TNS1: variants seen among roughly 807,000 people sequenced by gnomAD.
TNS1 encodes the protein tensin 1, also known as tensin-1.
A neutral mutation model predicts 168.6 loss-of-function variants in TNS1; 62 were observed. The observed-to-expected ratio is 0.37, with a 90% confidence interval of 0.30 to 0.45. The LOEUF (loss-of-function observed/expected upper bound fraction) is 0.45, where lower values mean the gene tolerates loss of function less well. TNS1 is among the 20% of genes least tolerant of loss of function. TNS1 has a pLI of 1.00. For missense variants in TNS1, 2,240 were observed against 2,339.4 expected (o/e 0.96, Z 0.88); for synonymous variants, 934 against 933.2 (o/e 1.00, Z -0.02).
rs552749103 is a variant in TNS1 at position 217,804,519 on chromosome 2, C to T, written c.5460G>A (p.Pro1820=). The stretch of plus-strand genomic sequence containing the variant: ...AGACGAAGTTGACGATGGCAGAGGC[C>T]GGCTGGTTGGGGTCAAGCTCAGCAA... ...HLFAELDPNQ[P]ASAIVNFVSK... is the part of the protein sequence containing the mutation. Residue 1820 remains proline, a synonymous_variant, in exon 33 of 33, where the codon CCG becomes CCA. Transcript: ENST00000682258. 5 of 1,614,122 alleles carry T rather than the reference C, an allele frequency of 3.1e-6. No individual in the cohort carries two copies. The highest frequency in any genetic ancestry group is 1.3e-5 in the African/African-American group (1 of 75,020).
chr2:217,903,328 A>G (rs1002369011), intron 6 of TNS1, among the ~76,000 whole-genome samples: 2 of 152,196 alleles, frequency 1.3e-5, no homozygotes, highest in Non-Finnish European at 2.9e-5. Flanking sequence ...TCATTTGTCC[A>G]TCTGTAAAAT....
chr2:217,870,232 G>C (rs996380645), intron 18 of TNS1, among the ~76,000 whole-genome samples: 2 of 152,210 alleles, frequency 1.3e-5, no homozygotes, highest in Non-Finnish European at 2.9e-5. Flanking sequence ...CGGGCTGCAG[G>C]GCAGAGTGGA....
intron 3 of TNS1, among the ~76,000 whole-genome samples, chr2:217,932,912 G>A (rs961049178): frequency 3.3e-5 from 5 of 152,188 alleles, no homozygotes; most frequent in Non-Finnish European, 4.4e-5. Context: ...GCGCATCGGG[G>A]ACTGGTGTTC....
chr2:217,881,132 A>G, intron 17 of TNS1, 118 bp from the exon 18 acceptor site: 1 of 702,884 alleles, frequency 1.4e-6, no homozygotes, highest in Non-Finnish European at 2.4e-6. Context: ...TCCCTGAGGG[A>G]CTTCTCATTT....
chr2:217,852,270 G>A (rs1181504257), intron 18 of TNS1, among the ~76,000 whole-genome samples: 1 of 152,178 alleles, frequency 6.6e-6, no homozygotes, highest in Non-Finnish European at 1.5e-5. Flanking sequence ...CAAGTTGGCC[G>A]AAATCTGAAG....
At chr2:217,865,685 C>G (rs191674499) in intron 18 of TNS1, among the ~76,000 whole-genome samples, 1 of 152,188 alleles carries the variant, frequency 6.6e-6, no homozygotes. Context: ...TCTGTTGCTG[C>G]TTCCCAGGGC....
rs1367780338 is a variant in TNS1, at chr2:217,809,561, A to G, written c.5273+262T>C. On this transcript the variant is annotated intron_variant, in intron 30 of 32. Coordinates refer to ENST00000682258, the MANE Select transcript of TNS1 (RefSeq NM_001387777.1). ...GATGCATGGATGGATGGATGGATGG[A>G]TGGATGGATGGATGGATAGGTGCAT... Among the ~76,000 whole-genome samples, 18 of 48,336 alleles carry G rather than the reference A, an allele frequency of 3.7e-4. 1 individual carries two copies. The highest frequency in any genetic ancestry group is 1.2e-3 in the East Asian group (2 of 1,692). The allele number at this position is 48,336 out of a possible 152,430, so 31.7% of individuals were successfully genotyped here.
intron 3 of TNS1, among the ~76,000 whole-genome samples, chr2:217,967,163 C>CA (rs1030439249): frequency 4.0e-5 from 6 of 151,414 alleles, no homozygotes; most frequent in East Asian, 1.9e-4. Flanking sequence ...ACTAAAAATA[C>CA]AAAAAAAATT....
At chr2:217,919,060 A>G (rs960201768) in intron 4 of TNS1, among the ~76,000 whole-genome samples, 3 of 152,208 alleles carry the variant, frequency 2.0e-5, no homozygotes, top group African/African-American at 7.2e-5. Context: ...ACTTCTGTGC[A>G]CTTCATTTCA....
At chr2:217,994,919 C>G (rs1385494506) in intron 1 of TNS1, among the ~76,000 whole-genome samples, 1 of 152,228 alleles carries the variant, frequency 6.6e-6, no homozygotes. Context: ...GCCTTCTAGG[C>G]TATGTGGCAT....
chr2:217,968,495 A>T (rs1047091240), intron 3 of TNS1, among the ~76,000 whole-genome samples: 1 of 152,208 alleles, frequency 6.6e-6, no homozygotes, highest in Non-Finnish European at 1.5e-5. Flanking sequence ...ACAATGAAAG[A>T]CCTAAAAATG....
intron 25 of TNS1, 105 bp downstream of exon 25, chr2:217,814,807 C>G: frequency 1.1e-6 from 1 of 895,956 alleles, no homozygotes; most frequent in Admixed American, 2.2e-5. Flanking sequence ...GTGATGACCC[C>G]CTGCTACAAA....
At chr2:217,849,874 G>T (rs1947228779) in intron 18 of TNS1, 1 of 985,326 alleles carries the variant, frequency 1.0e-6, no homozygotes, top group Non-Finnish European at 1.2e-6. Flanking sequence ...CAAGGTGGTG[G>T]TGGCAGGGAG....
At chr2:217,921,024 C>G (rs374943100) in intron 3 of TNS1, among the ~76,000 whole-genome samples, 1 of 136,922 alleles carries the variant, frequency 7.3e-6, no homozygotes, top group East Asian at 2.1e-4. Flanking sequence ...GGGGAGGGAG[C>G]GAGAGGGAGG....
rs1028214729 is a variant in TNS1 at position 218,032,037 on chromosome 2, G to C, written c.156+1783C>G. Among the ~76,000 whole-genome samples the C allele has an allele frequency of 2.0e-5, 3 of 152,242 alleles. No individual in the cohort carries two copies. Among genetic ancestry groups the C allele is most frequent in the African/African-American group, 2.4e-5 (1 of 41,466 alleles). ...CGCCAGGCCCCTTGGCACCCAGAAG[G>C]CTTGGCTGGAGGACTCAGGAGGGTG... On this transcript the variant is annotated intron_variant, in intron 1 of 1. Transcript: ENST00000649572. This position sits in a 1 kb window ranked among gnomAD's most constrained non-coding sequence, Gnocchi z 4.0.
At position 217,799,824 on chromosome 2, in the gene TNS1, T is replaced by C. The variant is rs1245931040; in HGVS notation, c.*4635A>G. Reference sequence around the variant, plus strand: ...TTTAACTTTATCATTTATAAAGCCATACAATGCATTGCAAAGAAACAAAGC... The same window carrying C: ...TTTAACTTTATCATTTATAAAGCCACACAATGCATTGCAAAGAAACAAAGC... On this transcript the variant is annotated 3_prime_UTR_variant, in exon 33 of 33. Coordinates refer to ENST00000682258, the MANE Select transcript of TNS1 (RefSeq NM_001387777.1). 1 of 152,092 alleles carries C rather than the reference T, an allele frequency of 6.6e-6. No homozygotes were observed. The highest frequency in any genetic ancestry group is 1.5e-5 in the Non-Finnish European group (1 of 68,024). 9.4% of individuals were successfully genotyped at this position (152,092 alleles called of 1,614,324 possible).
At chr2:217,949,010 G>A (rs1213491563) in intron 3 of TNS1, among the ~76,000 whole-genome samples, 1 of 152,142 alleles carries the variant, frequency 6.6e-6, no homozygotes, top group Non-Finnish European at 1.5e-5. Flanking sequence ...CCCACCAACA[G>A]CTTATCCCCA....
intron 4 of TNS1, among the ~76,000 whole-genome samples, chr2:217,915,080 C>T (rs1440962682): frequency 2.0e-5 from 3 of 152,152 alleles, no homozygotes; most frequent in Admixed American, 6.5e-5. Context: ...TGAAAATCAG[C>T]CATTTTTTCA....
chr2:217,820,299 G>T (rs887009645), intron 23 of TNS1, among the ~76,000 whole-genome samples: 6 of 152,170 alleles, frequency 3.9e-5, no homozygotes, highest in Admixed American at 3.3e-4. Flanking sequence ...ATCAACAATG[G>T]GTGGCTGGGA....
Sources: allele counts gnomAD v4.1 joint callset (sites outside exome capture counted in the v4.1 genomes callset), GRCh38; gene constraint gnomAD v4.1.1; non-coding constraint Gnocchi (gnomAD v3.1); transcripts MANE v1.5; gene names NCBI Gene and HGNC (gene_info 2026-07-23, HGNC 2026-07-21).